The following PLEKHS1 variants were observed in gnomAD, a reference collection of about 807,000 sequenced individuals.
PLEKHS1 encodes pleckstrin homology domain-containing family S member 1.
PLEKHS1 carries 55 observed loss-of-function variants against 51.0 expected under a neutral mutation model. The ratio of observed to expected loss-of-function variants is 1.08; its 90% CI spans 0.87 to 1.35. The LOEUF (loss-of-function observed/expected upper bound fraction) is 1.35. Ranked by LOEUF, PLEKHS1 falls within the 40% of genes most tolerant of loss-of-function variation. The pLI, the probability that PLEKHS1 is intolerant of heterozygous loss-of-function variation, is 0.00. For synonymous variants in PLEKHS1, 153 were observed against 144.8 expected (o/e 1.06, Z -0.41); for missense variants, 398 against 423.0 (o/e 0.94, Z 0.52).
At chr10:113,760,348 A>T (rs1037409825) in intron 2 of PLEKHS1, among the ~76,000 whole-genome samples, 1 of 152,156 alleles carries the variant, frequency 6.6e-6, no homozygotes, top group Non-Finnish European at 1.5e-5. Context: ...GTATTTGTAT[A>T]TTCCTTTACT....
At chr10:113,773,336 T>C (rs1844499400) in intron 8 of PLEKHS1, among the ~76,000 whole-genome samples, 1 of 152,230 alleles carries the variant, frequency 6.6e-6, no homozygotes, top group Non-Finnish European at 1.5e-5. Context: ...ATCAGATGTG[T>C]ACTGAGCATC....
chr10:113,776,365 A>G (rs1844662298), intron 11 of PLEKHS1, among the ~76,000 whole-genome samples: 1 of 152,256 alleles, frequency 6.6e-6, no homozygotes, highest in African/African-American at 2.4e-5. Context: ...TTCTTAAAGC[A>G]ATCACTGTCT....
exon 8 of PLEKHS1, chr10:113,771,997 T>C (rs866816417): frequency 6.2e-7 from 1 of 1,613,268 alleles, no homozygotes; most frequent in South Asian, 1.1e-5. Flanking sequence ...TTCTCCAGGA[T>C]TTAGGCAAAC....
intron 11 of PLEKHS1, among the ~76,000 whole-genome samples, chr10:113,778,375 G>T (rs1042207982): frequency 1.3e-5 from 2 of 152,182 alleles, no homozygotes; most frequent in African/African-American, 4.8e-5. Context: ...TTAAAAAACA[G>T]TTCTTTGGCT....
chr10:113,771,700 A>G (rs1391085881), intron 7 of PLEKHS1, among the ~76,000 whole-genome samples: 1 of 149,804 alleles, frequency 6.7e-6, no homozygotes, highest in Non-Finnish European at 1.5e-5. Flanking sequence ...AAAAAAGAAT[A>G]CCACCCACAG....
At chr10:113,752,548 C>T (rs138047420) in intron 1 of PLEKHS1, among the ~76,000 whole-genome samples, 86 of 152,116 alleles carry the variant, frequency 5.7e-4, no homozygotes, top group African/African-American at 2.0e-3. Context: ...AGTGATACTC[C>T]CAGCAATCTG....
At chr10:113,774,137 T>A (rs1188297703) in intron 8 of PLEKHS1, 90 bp from the exon 9 acceptor site, 1 of 750,626 alleles carries the variant, frequency 1.3e-6, no homozygotes, top group Non-Finnish European at 2.2e-6. Context: ...TACCTCTATG[T>A]CAGAGCCCAG....
exon 1 of PLEKHS1, chr10:113,751,713 G>A (rs370227584): frequency 4.6e-5 from 7 of 152,316 alleles, no homozygotes; most frequent in South Asian, 4.1e-4. Context: ...AGGAATCCTC[G>A]GGACAAGGCA....
At chr10:113,758,352 T>G (rs1843766950) in intron 2 of PLEKHS1, among the ~76,000 whole-genome samples, 1 of 152,234 alleles carries the variant, frequency 6.6e-6, no homozygotes, top group Non-Finnish European at 1.5e-5. Context: ...TAAACAGCAT[T>G]AGTCTCCTTG....
exon 12 of PLEKHS1, chr10:113,780,812 G>T: frequency 6.5e-7 from 1 of 1,534,524 alleles, no homozygotes; most frequent in Non-Finnish European, 8.7e-7. Context: ...GCAGAACCAG[G>T]ATGGAGCTGG....
At chr10:113,772,310 T>A (rs945058860) in intron 8 of PLEKHS1, among the ~76,000 whole-genome samples, 2 of 152,034 alleles carry the variant, frequency 1.3e-5, no homozygotes, top group Admixed American at 6.6e-5. Flanking sequence ...ATACCAGGGG[T>A]GCATGAGCTA....
chr10:113,755,290 C>T (rs755124446), exon 2 of PLEKHS1: 4 of 1,608,384 alleles, frequency 2.5e-6, no homozygotes, highest in Non-Finnish European at 3.4e-6. Context: ...GGAACCCAAA[C>T]CTCAGAAGAG....
intron 11 of PLEKHS1, among the ~76,000 whole-genome samples, chr10:113,778,957 G>A (rs895289354): frequency 6.6e-6 from 1 of 152,196 alleles, no homozygotes; most frequent in African/African-American, 2.4e-5. Context: ...AGCATCTGCT[G>A]GGTGCTGTAT....
intron 1 of PLEKHS1, among the ~76,000 whole-genome samples, chr10:113,753,656 G>A (rs952941080): frequency 2.6e-5 from 4 of 152,096 alleles, no homozygotes; most frequent in Non-Finnish European, 5.9e-5. Flanking sequence ...CTTTCCCTAG[G>A]GGCAGGGTAG....
chr10:113,777,015 C>A, intron 11 of PLEKHS1, 109 bp from the exon 12 acceptor site: 1 of 1,248,026 alleles, frequency 8.0e-7, no homozygotes. Context: ...AGGAGATAGT[C>A]TACTTCAGAG....
rs748839814 is a variant in PLEKHS1, at chr10:113,777,531, C to G, written c.1091+1665C>G. 105 of 1,553,684 alleles carry G rather than the reference C, an allele frequency of 6.8e-5. No homozygotes were observed. In the Admixed American group the frequency reaches 2.0e-3, roughly 29 times the overall value. ...GTAGCAAAAAGAGCTTGCATGGAAT[C>G]AGACTGGTGCAGGGATTCCAAAACA... On this transcript the variant is annotated intron_variant, in intron 11 of 11. Coordinates refer to ENST00000361048, the Ensembl canonical transcript of PLEKHS1.
At chr10:113,775,724 T>C (rs1246451764) in intron 10 of PLEKHS1, 41 bp from the exon 11 acceptor site, 1 of 1,420,780 alleles carries the variant, frequency 7.0e-7, no homozygotes, top group African/African-American at 1.4e-5. Flanking sequence ...AGAGCCAAGG[T>C]CAGTTGCCTG....
chr10:113,776,000 TGTTGTTA>T, intron 11 of PLEKHS1, 134 bp downstream of exon 11: 1 of 571,380 alleles, frequency 1.8e-6, no homozygotes, highest in Non-Finnish European at 2.9e-6. Flanking sequence ...GTTGACTGGC[TGTTGTTA>T]CAAAAAAATC....
At chr10:113,780,207 A>G (rs1245797294) in intron 11 of PLEKHS1, among the ~76,000 whole-genome samples, 1 of 152,188 alleles carries the variant, frequency 6.6e-6, no homozygotes, top group Admixed American at 6.5e-5. Context: ...GGGGAAGGAC[A>G]TGACAGGTTG....
Sources: gnomAD v4.1 joint callset for allele counts (sites outside exome capture counted in the v4.1 genomes callset) on GRCh38, gnomAD v4.1.1 for gene constraint, MANE v1.5 for transcripts, NCBI Gene and HGNC (gene_info 2026-07-23, HGNC 2026-07-21) for gene names.